Variants in LRRK1 observed in about 807,000 individuals in gnomAD.
LRRK1 encodes leucine rich repeat kinase 1, also known as leucine-rich repeat serine/threonine-protein kinase 1.
LRRK1 carries 113 observed loss-of-function variants against 209.1 expected under a neutral mutation model. The observed-to-expected ratio is 0.54, with a 90% CI of 0.46 to 0.63. The LOEUF (loss-of-function observed/expected upper bound fraction) is 0.63, where lower values mean the gene tolerates loss of function less well. Among genes scored for constraint, LRRK1 ranks in the 30% least tolerant of loss-of-function variants. The pLI, the probability that LRRK1 is intolerant of heterozygous loss-of-function variation, is 0.00. For synonymous variants in LRRK1, 1,144 were observed against 1,099.7 expected (o/e 1.04, Z -0.80); for missense variants, 2,284 against 2,632.2 (o/e 0.87, Z 2.89).
At chr15:101,062,170 C>T (rs1224198652) in intron 30 of LRRK1, among the ~76,000 whole-genome samples, 1 of 152,078 alleles carries the variant, frequency 6.6e-6, no homozygotes, top group African/African-American at 2.4e-5. Context: ...ACATTTCCTC[C>T]TAGAGTGAGG....
At chr15:100,970,054 A>G (rs764042546) in intron 2 of LRRK1, among the ~76,000 whole-genome samples, 2 of 152,008 alleles carry the variant, frequency 1.3e-5, no homozygotes, top group African/African-American at 2.4e-5. Flanking sequence ...ACGCTGGGCT[A>G]ATTTTTTGTA....
At chr15:100,971,000 G>A (rs1321169707) in intron 2 of LRRK1, among the ~76,000 whole-genome samples, 1 of 152,076 alleles carries the variant, frequency 6.6e-6, no homozygotes, top group African/African-American at 2.4e-5. Context: ...TTTGTGAGGT[G>A]TATGTTTGTG....
chr15:101,068,932 C>A lies in LRRK1; in HGVS notation c.*84C>A. On this transcript the variant is annotated 3_prime_UTR_variant, in exon 34 of 34. Coordinates refer to ENST00000388948, the MANE Select transcript of LRRK1 (RefSeq NM_024652.6). The stretch of plus-strand genomic sequence containing the variant: ...CCTCTGCCATCGGCCTCTAGTTCTC[C>A]AAGGACCTAGAAGACAGATGGAGTT... 1 of 1,334,914 alleles carries A rather than the reference C, an allele frequency of 7.5e-7. No individual in the cohort carries two copies. Among genetic ancestry groups the A allele is most frequent in the Non-Finnish European group, 1.0e-6 (1 of 982,400 alleles). The allele number at this position is 1,334,914 out of a possible 1,614,324, so 82.7% of individuals were successfully genotyped here. A position where few individuals can be genotyped will look rare whatever the true frequency, so the allele number is the denominator to read the frequency against.
intron 1 of LRRK1, among the ~76,000 whole-genome samples, chr15:100,921,642 C>T (rs956771679): frequency 6.6e-6 from 1 of 152,218 alleles, no homozygotes; most frequent in Non-Finnish European, 1.5e-5. Context: ...GTCTGCTCCC[C>T]CACCAGCTTC....
chr15:101,032,827 C>T (rs2034340749), intron 20 of LRRK1, among the ~76,000 whole-genome samples: 1 of 152,178 alleles, frequency 6.6e-6, no homozygotes, highest in Non-Finnish European at 1.5e-5. Flanking sequence ...TTTCAGGACT[C>T]TATTTTGTTC....
intron 3 of LRRK1, among the ~76,000 whole-genome samples, chr15:100,976,027 A>G (rs749258221): frequency 1.3e-5 from 2 of 152,218 alleles, no homozygotes; most frequent in Non-Finnish European, 2.9e-5. Flanking sequence ...AGCATTAAAA[A>G]CATAATAAGA....
At chr15:101,021,986 C>T in intron 14 of LRRK1, 29 bp downstream of exon 14, 1 of 1,498,600 alleles carries the variant, frequency 6.7e-7, no homozygotes, top group Non-Finnish European at 9.3e-7. Context: ...TGTCCCCTGC[C>T]ATCACCTCTT....
intron 4 of LRRK1, among the ~76,000 whole-genome samples, chr15:100,987,596 T>G (rs1323700107): frequency 1.3e-5 from 2 of 152,162 alleles, no homozygotes; most frequent in East Asian, 3.8e-4. Context: ...ATAGATAATT[T>G]TAAAATGTGG....
Position 101,041,027 on chromosome 15 carries a change from C to T in LRRK1, c.2964-4954C>T, listed in dbSNP as rs553862990. On this transcript the variant is annotated intron_variant, in intron 20 of 33. Transcript: ENST00000388948. ...GTAAAATATCTAATGATAAGTCTAC[C>T]TCTCTCTCCAGTTCTGACAGGCTTT... Among the ~76,000 whole-genome samples, 3 of 152,282 alleles carry T rather than the reference C, an allele frequency of 2.0e-5. No individual in the cohort carries two copies. The East Asian group carries it at 5.8e-4, about 29-fold the overall frequency.
At chr15:100,972,363 AGTGTGTGTGTGTGT>A (rs139709615) in intron 2 of LRRK1, among the ~76,000 whole-genome samples, 5 of 98,474 alleles carry the variant, frequency 5.1e-5, no homozygotes, top group Non-Finnish European at 9.5e-5. Context: ...AGAGAGAGAG[AGTGTGTGTGTGTGT>A]GTGTGTGTGT....
chr15:100,961,731 G>A (rs530811857), intron 2 of LRRK1, among the ~76,000 whole-genome samples: 6 of 152,114 alleles, frequency 3.9e-5, no homozygotes, highest in Admixed American at 3.9e-4. Context: ...GGTGCTGGGG[G>A]TCCAAATCTC....
intron 1 of LRRK1, among the ~76,000 whole-genome samples, chr15:100,922,574 G>A (rs925063252): frequency 7.2e-5 from 11 of 152,222 alleles, no homozygotes; most frequent in African/African-American, 2.7e-4. Flanking sequence ...TCTGAAAGCA[G>A]ATGGCAACTG....
rs557201523 is a variant in LRRK1, at chr15:100,919,831, C to A, written c.-123+380C>A. Among the ~76,000 whole-genome samples, 656 of 152,280 alleles carry A rather than the reference C, an allele frequency of 4.3e-3. 4 individuals are homozygous for A. The highest frequency in any genetic ancestry group is 0.015 in the African/African-American group (605 of 41,560). On this transcript the variant is annotated intron_variant, in intron 1 of 33. Transcript: ENST00000388948. The surrounding 1 kb of genome is among the most constrained non-coding windows in gnomAD (Gnocchi z 5.8). The stretch of plus-strand genomic sequence containing the variant: ...GTCGGGAGACACGAGCCGGGGAGCC[C>A]ATAGGTTTCCTCTGCCTTTGGAGCG...
At chr15:101,018,405 G>C (rs1267403669) in intron 12 of LRRK1, among the ~76,000 whole-genome samples, 2 of 152,176 alleles carry the variant, frequency 1.3e-5, no homozygotes, top group African/African-American at 4.8e-5. Flanking sequence ...TAGAAGGAAG[G>C]GGAAACAAAC....
chr15:101,008,702 A>C (rs771854088), intron 6 of LRRK1, 135 bp from the exon 7 acceptor site: 1 of 682,050 alleles, frequency 1.5e-6, no homozygotes, highest in Non-Finnish European at 2.6e-6. Context: ...CGAGAAGGAC[A>C]TGTGCAGGCC....
chr15:101,069,169 G>C lies in LRRK1; in HGVS notation c.*321G>C. 4.6e-6 allele frequency: 1 copy of C among 217,436 alleles called. No individual in the cohort carries two copies. The highest frequency in any genetic ancestry group is 1.4e-4 in the South Asian group (1 of 7,262). The allele number at this position is 217,436 out of a possible 1,614,324, so 13.5% of individuals were successfully genotyped here. On this transcript the variant is annotated 3_prime_UTR_variant, in exon 34 of 34. Coordinates refer to ENST00000388948, the MANE Select transcript of LRRK1 (RefSeq NM_024652.6). ...TGCAGGAGCAGGGGTGCAGGATCCT[G>C]TTCTGAGCTGGGTCAAACAAAGCAG...
Position 101,078,015 on chromosome 15 carries a change from G to C in LRRK1, c.*9167G>C, listed in dbSNP as rs530974798. The C allele has an allele frequency of 1.9e-5, 3 of 155,680 alleles. No individual in the cohort carries two copies. Among genetic ancestry groups the C allele is most frequent in the South Asian group, 2.0e-4 (1 of 5,044 alleles). The allele number at this position is 155,680 out of a possible 1,614,324, so 9.6% of individuals were successfully genotyped here. On this transcript the variant is annotated 3_prime_UTR_variant, in exon 34 of 34. Transcript: ENST00000388948. ...TGTAAATGGCTGGTTCTTGCCTTAA[G>C]TGATGACATTACCTTGTGAAAGTCC...
At chr15:100,961,103 G>A (rs1486116427) in intron 2 of LRRK1, among the ~76,000 whole-genome samples, 2 of 152,196 alleles carry the variant, frequency 1.3e-5, no homozygotes, top group Non-Finnish European at 2.9e-5. Context: ...TGGCTGAGGG[G>A]CTGCATCTGG....
At chr15:100,970,884 A>G (rs987455300) in intron 2 of LRRK1, among the ~76,000 whole-genome samples, 1 of 152,232 alleles carries the variant, frequency 6.6e-6, no homozygotes, top group Non-Finnish European at 1.5e-5. Flanking sequence ...TTCAGCGTAC[A>G]GATCTTGCCC....
Sources: allele counts gnomAD v4.1 joint callset (sites outside exome capture counted in the v4.1 genomes callset), GRCh38; gene constraint gnomAD v4.1.1; non-coding constraint Gnocchi (gnomAD v3.1); transcripts MANE v1.5; gene names NCBI Gene and HGNC (gene_info 2026-07-23, HGNC 2026-07-21).